NEK7: variants seen among roughly 807,000 people sequenced by gnomAD.
NEK7 encodes the protein serine/threonine-protein kinase Nek7.
In NEK7, 18 loss-of-function variants were observed where a neutral mutation model predicts 44.6. The observed-to-expected ratio is 0.40, with a 90% CI of 0.28 to 0.60. The LOEUF (loss-of-function observed/expected upper bound fraction) is 0.60. Ranked by LOEUF, NEK7 falls within the 20% of genes least tolerant of loss-of-function variation. The probability of loss-of-function intolerance (pLI) is 0.38; values close to 1 mark genes in which losing one functional copy is unlikely to be tolerated. For synonymous variants in NEK7, 130 were observed against 121.1 expected (o/e 1.07, Z -0.48); for missense variants, 256 against 366.5 (o/e 0.70, Z 2.46).
At chr1:198,310,218 G>A (rs543486929) in intron 9 of NEK7, among the ~76,000 whole-genome samples, 1 of 152,090 alleles carries the variant, frequency 6.6e-6, no homozygotes, top group Non-Finnish European at 1.5e-5. Context: ...TTTTTCATGT[G>A]TTTTTTGGCT....
intron 3 of NEK7, among the ~76,000 whole-genome samples, chr1:198,260,094 T>C (rs539706340): frequency 6.6e-6 from 1 of 152,288 alleles, no homozygotes; most frequent in South Asian, 2.1e-4. Flanking sequence ...TTTTTATATG[T>C]AGAAAGGGTG....
At chr1:198,157,549 T>C (rs983977697) in intron 1 of NEK7, among the ~76,000 whole-genome samples, 1 of 152,188 alleles carries the variant, frequency 6.6e-6, no homozygotes, top group Non-Finnish European at 1.5e-5. Context: ...CCGCGGTAAC[T>C]AAGAAACTCC....
Position 198,297,141 on chromosome 1 carries a change from A to C in NEK7, c.699A>C (p.Gln233His). ...GCLLYEMAAL[Q>H]SPFYGDKMNL... is the part of the protein sequence containing the mutation. Reference sequence around the variant, plus strand: ...GCATTTTACAGATGGCTGCATTACAAAGTCCTTTCTATGGTGACAAAATGA... The same window carrying C: ...GCATTTTACAGATGGCTGCATTACACAGTCCTTTCTATGGTGACAAAATGA... The change falls in exon 9 of 10, where the codon CAA becomes CAC. Residue 233 changes from glutamine to histidine, a missense_variant. Coordinates refer to ENST00000367385, the MANE Select transcript of NEK7 (RefSeq NM_133494.3). The C allele has an allele frequency of 1.2e-6, 2 of 1,612,060 alleles. No individual in the cohort carries two copies. The highest frequency in any genetic ancestry group is 2.2e-5 in the East Asian group (1 of 44,776).
At chr1:198,230,481 A>G (rs1381336866) in intron 1 of NEK7, among the ~76,000 whole-genome samples, 1 of 152,144 alleles carries the variant, frequency 6.6e-6, no homozygotes, top group East Asian at 1.9e-4. Flanking sequence ...TCTAACATCT[A>G]TTCTTTGTAA....
intron 1 of NEK7, among the ~76,000 whole-genome samples, chr1:198,229,822 TTTA>T (rs71683035): frequency 0.14 from 20,936 of 152,178 alleles, 2,093 homozygotes; most frequent in East Asian, 0.57. Flanking sequence ...AAATGAGTTC[TTTA>T]TGTAGATTTT....
chr1:198,233,016 G>C (rs1306978204), intron 2 of NEK7, among the ~76,000 whole-genome samples: 1 of 151,618 alleles, frequency 6.6e-6, no homozygotes, highest in East Asian at 1.9e-4. Flanking sequence ...AAAACAAAAA[G>C]GCAGCTTTAG....
intron 1 of NEK7, among the ~76,000 whole-genome samples, chr1:198,172,410 C>T (rs1664477031): frequency 6.6e-6 from 1 of 152,186 alleles, no homozygotes; most frequent in African/African-American, 2.4e-5. Context: ...AAGAGCTCTG[C>T]TCTCTTCTTC....
At position 198,256,737 on chromosome 1, in the gene NEK7, C is replaced by T. The variant is rs146148105; in HGVS notation, c.198+3557C>T. Among the ~76,000 whole-genome samples the T allele has an allele frequency of 4.2e-3, 645 of 152,244 alleles. 4 individuals carry two copies. The highest frequency in any genetic ancestry group is 8.1e-3 in the Admixed American group (124 of 15,266). On this transcript the variant is annotated intron_variant, in intron 3 of 9. Coordinates refer to ENST00000367385, the MANE Select transcript of NEK7 (RefSeq NM_133494.3). ...GACACCTCTAACATAATGAGATAGG[C>T]ACTCATGTGATAGGAGCAGCCTTGA...
chr1:198,197,326 A>G (rs1665269995), intron 1 of NEK7, among the ~76,000 whole-genome samples: 1 of 152,348 alleles, frequency 6.6e-6, no homozygotes, highest in South Asian at 2.1e-4. Context: ...AGATAGAGAA[A>G]GAATTAATGT....
chr1:198,286,500 C>A (rs928688399), intron 7 of NEK7, among the ~76,000 whole-genome samples: 4 of 151,280 alleles, frequency 2.6e-5, no homozygotes, highest in African/African-American at 9.7e-5. Flanking sequence ...TGAGGTAGGT[C>A]CATACCACAT....
chr1:198,232,739 C>A (rs1571555867), intron 2 of NEK7, 102 bp downstream of exon 2: 5 of 598,876 alleles, frequency 8.3e-6, no homozygotes, highest in Non-Finnish European at 1.4e-5. Context: ...TAAAGTAGCA[C>A]AAAAGTGCTA....
intron 9 of NEK7, among the ~76,000 whole-genome samples, chr1:198,309,858 G>A (rs1038416596): frequency 1.8e-4 from 27 of 152,132 alleles, no homozygotes; most frequent in Non-Finnish European, 7.3e-5. Flanking sequence ...GGACATTTGG[G>A]TTGGTTCCAA....
chr1:198,315,523 T>G (rs1655342874), intron 9 of NEK7, among the ~76,000 whole-genome samples: 1 of 152,164 alleles, frequency 6.6e-6, no homozygotes, highest in Non-Finnish European at 1.5e-5. Flanking sequence ...ATGCTTAAAG[T>G]TGAAGCATCA....
Position 198,319,717 on chromosome 1 carries a change from A to T in NEK7, c.*195A>T. The T allele has an allele frequency of 2.1e-6, 1 of 467,884 alleles. No homozygotes were observed. Among genetic ancestry groups the T allele is most frequent in the Non-Finnish European group, 3.6e-6 (1 of 278,334 alleles). 29.0% of individuals were successfully genotyped at this position (467,884 alleles called of 1,614,324 possible). A position where few individuals can be genotyped will look rare whatever the true frequency, so the allele number is the denominator to read the frequency against. ...CCTTGCAACCCCCAAATGACTTTGG[A>T]ATAACTGAATTGCATGTTAGGAGAG... On this transcript the variant is annotated 3_prime_UTR_variant, in exon 10 of 10. Coordinates refer to ENST00000367385, the MANE Select transcript of NEK7 (RefSeq NM_133494.3).
chr1:198,314,079 G>A (rs1176566477), intron 9 of NEK7, among the ~76,000 whole-genome samples: 4 of 152,100 alleles, frequency 2.6e-5, no homozygotes, highest in East Asian at 1.9e-4. Flanking sequence ...CCAATCAGAC[G>A]TAGATTTGGT....
At chr1:198,316,341 G>A (rs1161937010) in intron 9 of NEK7, among the ~76,000 whole-genome samples, 1 of 152,120 alleles carries the variant, frequency 6.6e-6, no homozygotes, top group Non-Finnish European at 1.5e-5. Flanking sequence ...ATTACAGTCA[G>A]GTAATCAAAG....
intron 1 of NEK7, among the ~76,000 whole-genome samples, chr1:198,173,416 G>A (rs998669230): frequency 2.4e-4 from 36 of 148,708 alleles, no homozygotes; most frequent in African/African-American, 8.9e-4. Flanking sequence ...GAGTCAAAGT[G>A]AGACTCTGTC....
chr1:198,280,465 T>C (rs571842076), intron 7 of NEK7, among the ~76,000 whole-genome samples: 3 of 152,180 alleles, frequency 2.0e-5, no homozygotes, highest in African/African-American at 7.2e-5. Flanking sequence ...CTGAGCCTGC[T>C]GTAGTTATCC....
intron 1 of NEK7, among the ~76,000 whole-genome samples, chr1:198,163,356 C>T (rs985567402): frequency 6.6e-6 from 1 of 151,742 alleles, no homozygotes; most frequent in Non-Finnish European, 1.5e-5. Context: ...ATTAGTTGGG[C>T]TTGGTGGCAC....
Sources: gnomAD v4.1 joint callset for allele counts (sites outside exome capture counted in the v4.1 genomes callset) on GRCh38, gnomAD v4.1.1 for gene constraint, MANE v1.5 for transcripts, NCBI Gene and HGNC (gene_info 2026-07-23, HGNC 2026-07-21) for gene names.